The following EHD1 variants were observed in gnomAD, a reference collection of about 807,000 sequenced individuals.
EHD1 encodes the protein EH domain containing 1.
EHD1 carries 19 observed loss-of-function variants against 39.0 expected under a neutral mutation model. The ratio of observed to expected loss-of-function variants is 0.49; its 90% CI spans 0.34 to 0.72. The LOEUF (loss-of-function observed/expected upper bound fraction) is 0.72. EHD1 is among the 30% of genes least tolerant of loss of function. EHD1 has a pLI of 0.01. For missense variants in EHD1, 542 were observed against 751.5 expected, an observed-to-expected ratio of 0.72 and a Z score of 3.26; for synonymous variants, 323 against 331.2, an observed-to-expected ratio of 0.98 and a Z score of 0.27.
intron 2 of EHD1, among the ~76,000 whole-genome samples, chr11:64,864,699 C>T (rs17146407): frequency 6.6e-6 from 1 of 152,252 alleles, no homozygotes; most frequent in Non-Finnish European, 1.5e-5. Context: ...CATTTGTCTT[C>T]AGCCCGCCAC....
chr11:64,867,200 C>T (rs1207524219), intron 2 of EHD1, among the ~76,000 whole-genome samples: 2 of 152,138 alleles, frequency 1.3e-5, no homozygotes, highest in East Asian at 3.8e-4. Context: ...GGGCTGATCA[C>T]CTGAGGTCAG....
At chr11:64,871,097 GCGGGGCCAGA>G (rs1020356796) in intron 2 of EHD1, among the ~76,000 whole-genome samples, 1 of 152,224 alleles carries the variant, frequency 6.6e-6, no homozygotes, top group Non-Finnish European at 1.5e-5. Flanking sequence ...GAGGGGCCAG[GCGGGGCCAGA>G]CGGGGTGGGA....
At chr11:64,869,102 C>A (rs1371654933) in intron 2 of EHD1, among the ~76,000 whole-genome samples, 1 of 152,218 alleles carries the variant, frequency 6.6e-6, no homozygotes, top group Admixed American at 6.5e-5. Flanking sequence ...GGTGTGTAGG[C>A]AAGGACTTCA....
At chr11:64,869,101 G>C (rs1943799500) in intron 2 of EHD1, among the ~76,000 whole-genome samples, 1 of 152,224 alleles carries the variant, frequency 6.6e-6, no homozygotes, top group African/African-American at 2.4e-5. Context: ...GGGTGTGTAG[G>C]CAAGGACTTC....
In EHD1 at chr11:64,860,351, A is replaced by G. The variant is rs1249384540; in HGVS notation, c.503-15T>C. 2.1e-5 allele frequency: 33 copies of G among 1,601,602 alleles called. No homozygotes were observed. The highest frequency in any genetic ancestry group is 2.6e-5 in the Non-Finnish European group (31 of 1,170,904). Reference sequence around the variant, plus strand: ...AAAGTCATAGCCTGGGGGGAAGAGAAGGGAGAGCTCAGGGGCGCCAAGGGA... The same window carrying G: ...AAAGTCATAGCCTGGGGGGAAGAGAGGGGAGAGCTCAGGGGCGCCAAGGGA... On this transcript the variant is annotated splice_polypyrimidine_tract_variant and intron_variant, in intron 2 of 4. Transcript: ENST00000320631.
chr11:64,865,735 C>T (rs1052551935), intron 2 of EHD1, among the ~76,000 whole-genome samples: 4 of 152,132 alleles, frequency 2.6e-5, no homozygotes, highest in African/African-American at 9.7e-5. Context: ...GACACACACG[C>T]GGCCAACGAG....
Position 64,878,233 on chromosome 11 carries a change from G to C in EHD1, c.232C>G (p.Leu78Val), listed in dbSNP as rs990876560. 3 of 1,613,928 alleles carry C rather than the reference G, an allele frequency of 1.9e-6. No homozygotes were observed. Among genetic ancestry groups the C allele is most frequent in the Non-Finnish European group, 2.5e-6 (3 of 1,179,826 alleles). The change falls in exon 1 of 5, where the codon CTG becomes GTG. Residue 78 changes from leucine to valine, a missense_variant. Coordinates refer to ENST00000320631, the MANE Select transcript of EHD1 (RefSeq NM_006795.4). ...STGKTTFIRH[L>V]IEQDFPGMRI... is the part of the protein sequence containing the mutation. ...ATCCCCGGGAAGTCCTGCTCGATCA[G>C]GTGTCGGATGAAGGTGGTCTTGCCC...
At chr11:64,858,190 C>CT (rs10674960) in intron 3 of EHD1, among the ~76,000 whole-genome samples, 3 of 142,596 alleles carry the variant, frequency 2.1e-5, no homozygotes, top group Non-Finnish European at 3.0e-5. Context: ...TATTTCTTTT[C>CT]TTTTTTTTTG....
rs984652057 is a variant in EHD1, at chr11:64,854,123, G to A, written c.*210C>T. On this transcript the variant is annotated 3_prime_UTR_variant, in exon 5 of 5. Coordinates refer to ENST00000320631, the MANE Select transcript of EHD1 (RefSeq NM_006795.4). ...AACGTTATATATTAAAATAGCCACA[G>A]TTCTTGTGCACACAATTCCATCCTC... 4.8e-6 allele frequency: 4 copies of A among 831,346 alleles called. No homozygotes were observed. In the African/African-American group the frequency reaches 6.9e-5, roughly 14 times the overall value. 51.5% of individuals were successfully genotyped at this position (831,346 alleles called of 1,614,324 possible). A position where few individuals can be genotyped will look rare whatever the true frequency, so the allele number is the denominator to read the frequency against.
chr11:64,876,374 C>G (rs558117448), intron 1 of EHD1, among the ~76,000 whole-genome samples: 3 of 152,236 alleles, frequency 2.0e-5, no homozygotes, highest in African/African-American at 4.8e-5. Flanking sequence ...TGGGCCTCAG[C>G]GTGGGCTGAT....
intron 2 of EHD1, among the ~76,000 whole-genome samples, chr11:64,873,043 C>T (rs1474908054): frequency 2.0e-5 from 3 of 152,230 alleles, no homozygotes. Context: ...CTGCCAGGTA[C>T]CAGCCTACCC....
intron 2 of EHD1, among the ~76,000 whole-genome samples, chr11:64,867,836 A>AACAGAGTGG (rs1191114864): frequency 6.6e-6 from 1 of 152,276 alleles, no homozygotes; most frequent in African/African-American, 2.4e-5. Flanking sequence ...GGGATGAAAG[A>AACAGAGTGG]ACAGAGTGGC....
intron 1 of EHD1, 112 bp downstream of exon 1, chr11:64,877,949 C>CTGGG (rs1943902773): frequency 8.5e-7 from 1 of 1,172,954 alleles, no homozygotes; most frequent in African/African-American, 1.6e-5. Flanking sequence ...GAGGGTCTCA[C>CTGGG]TGGGGCCTCG....
In EHD1 at chr11:64,860,339, G is replaced by GGGGGGAAGAGAAGGGAGAGCTC. The variant is rs749849055; in HGVS notation, c.503-25_503-4dup. On this transcript the variant is annotated splice_polypyrimidine_tract_variant and splice_region_variant and intron_variant, in intron 2 of 4. Coordinates refer to ENST00000320631, the MANE Select transcript of EHD1 (RefSeq NM_006795.4). ...CAGGACGGCTGCAAAGTCATAGCCT[G>GGGGGGAAGAGAAGGGAGAGCTC]GGGGGAAGAGAAGGGAGAGCTCAGG... The GGGGGGAAGAGAAGGGAGAGCTC allele has an allele frequency of 4.4e-6, 7 of 1,605,634 alleles. No homozygotes were observed. The South Asian group carries it at 7.7e-5, about 18-fold the overall frequency.
chr11:64,879,079 G>C (rs1943925728), upstream of EHD1: 1 of 999,818 alleles, frequency 1.0e-6, no homozygotes, highest in Non-Finnish European at 1.2e-6. Context: ...AAGCATCGGA[G>C]TACCCCCAGG....
upstream of EHD1, chr11:64,879,301 G>A: frequency 4.5e-6 from 4 of 891,170 alleles, no homozygotes; most frequent in Non-Finnish European, 6.0e-6. Flanking sequence ...GGGAATGGGA[G>A]AGGGACGCAA....
Position 64,871,244 on chromosome 11 carries a change from G to A in EHD1, c.502+3177C>T, listed in dbSNP as rs575693154. On this transcript the variant is annotated intron_variant, in intron 2 of 4. Coordinates refer to ENST00000320631, the MANE Select transcript of EHD1 (RefSeq NM_006795.4). Reference sequence around the variant, plus strand: ...CTGGGGCCCTGGTGCGTGCTCTGCCGGCCCCATCTTTCCGAGAGGGAAACA... The same window carrying A: ...CTGGGGCCCTGGTGCGTGCTCTGCCAGCCCCATCTTTCCGAGAGGGAAACA... Among the ~76,000 whole-genome samples the A allele has an allele frequency of 4.6e-5, 7 of 152,290 alleles. No individual in the cohort carries two copies. The East Asian group carries it at 7.7e-4, about 17-fold the overall frequency.
At chr11:64,874,646 G>A (rs1471910189) in intron 1 of EHD1, 128 bp from the exon 2 acceptor site, 13 of 726,336 alleles carry the variant, frequency 1.8e-5, no homozygotes, top group Non-Finnish European at 2.7e-5. Flanking sequence ...GGAACTGACA[G>A]GTGGTTTTCT....
rs1213781530 is a variant in EHD1, at chr11:64,878,246, G to A, written c.219C>T (p.Thr73=). 5 of 1,613,908 alleles carry A rather than the reference G, an allele frequency of 3.1e-6. No individual in the cohort carries two copies. The highest frequency in any genetic ancestry group is 2.7e-5 in the African/African-American group (2 of 74,942). Residue 73 remains threonine (T), a synonymous_variant, in exon 1 of 5, where the codon ACC becomes ACT. Coordinates refer to ENST00000320631, the MANE Select transcript of EHD1 (RefSeq NM_006795.4). ...LVGQYSTGKT[T]FIRHLIEQDF... ...CCTGCTCGATCAGGTGTCGGATGAA[G>A]GTGGTCTTGCCCGTGCTGTACTGCC...
Sources: allele counts gnomAD v4.1 joint callset (sites outside exome capture counted in the v4.1 genomes callset), GRCh38; gene constraint gnomAD v4.1.1; transcripts MANE v1.5; gene names NCBI Gene and HGNC (gene_info 2026-07-23, HGNC 2026-07-21).